The following SOX6 variants were observed in gnomAD, a reference collection of about 807,000 sequenced individuals.
SOX6 encodes the protein transcription factor SOX-6.
Under a neutral mutation model 97.8 loss-of-function variants are expected in SOX6, and 11 were observed. The observed-to-expected ratio is 0.11, with a 90% confidence interval of 0.07 to 0.19. The LOEUF (loss-of-function observed/expected upper bound fraction) is 0.19, where lower values mean the gene tolerates loss of function less well. SOX6 is among the 10% of genes least tolerant of loss of function. The probability of loss-of-function intolerance (pLI) is 1.00; values close to 1 mark genes in which losing one functional copy is unlikely to be tolerated. For missense variants in SOX6, 810 were observed against 1,039.5 expected, an observed-to-expected ratio of 0.78 and a Z score of 3.04; for synonymous variants, 360 against 371.4, an observed-to-expected ratio of 0.97 and a Z score of 0.35.
At chr11:16,414,388 G>T (rs2133059056) in intron 1 of SOX6, among the ~76,000 whole-genome samples, 1 of 152,256 alleles carries the variant, frequency 6.6e-6, no homozygotes, top group South Asian at 2.1e-4. Context: ...TATAAGAAAA[G>T]CTAAATGTAA....
At chr11:16,655,600 A>G (rs376276838) in intron 3 of SOX6, among the ~76,000 whole-genome samples, 1 of 152,194 alleles carries the variant, frequency 6.6e-6, no homozygotes, top group East Asian at 1.9e-4. Context: ...TCTTTTCTCA[A>G]TTCTGGAAAA....
intron 4 of SOX6, among the ~76,000 whole-genome samples, chr11:16,531,597 G>A (rs182838239): frequency 4.0e-5 from 6 of 151,678 alleles, no homozygotes; most frequent in Non-Finnish European, 8.9e-5. Flanking sequence ...TCACATGTTG[G>A]AATCTGGATA....
At chr11:16,045,423 A>G (rs1855798275) in intron 12 of SOX6, among the ~76,000 whole-genome samples, 1 of 152,090 alleles carries the variant, frequency 6.6e-6, no homozygotes, top group Non-Finnish European at 1.5e-5. Flanking sequence ...TTCCATTCTT[A>G]ACCTCCAATA....
intron 3 of SOX6, among the ~76,000 whole-genome samples, chr11:16,262,738 T>A (rs936829532): frequency 1.3e-5 from 2 of 152,028 alleles, no homozygotes; most frequent in Non-Finnish European, 2.9e-5. Context: ...CCCCTGTGAC[T>A]CAACCAAAGG....
In SOX6 at chr11:16,271,201, G is replaced by T. The variant is rs566007122; in HGVS notation, c.446-36530C>A. Among the ~76,000 whole-genome samples the T allele has an allele frequency of 2.0e-5, 3 of 151,188 alleles. No homozygotes were observed. In the South Asian group the frequency reaches 6.2e-4, roughly 31 times the overall value. On this transcript the variant is annotated intron_variant, in intron 3 of 15. Transcript: ENST00000683767. ...ATATATTCTATTAAGGAATATCCAA[G>T]CTTGCACTACTGGAATAATTCCACT...
chr11:16,234,751 T>C, intron 3 of SOX6, 80 bp from the exon 4 acceptor site: 4 of 797,708 alleles, frequency 5.0e-6, no homozygotes, highest in Non-Finnish European at 7.8e-6. Context: ...AAATTCTCAT[T>C]TAAGAATGCA....
chr11:16,499,831 C>T (rs951755087), intron 4 of SOX6, among the ~76,000 whole-genome samples: 1 of 151,954 alleles, frequency 6.6e-6, no homozygotes, highest in African/African-American at 2.4e-5. Flanking sequence ...GCTTACCAAC[C>T]AAAAAAAGTC....
intron 10 of SOX6, among the ~76,000 whole-genome samples, chr11:16,051,923 T>C (rs1184331452): frequency 6.7e-6 from 1 of 148,604 alleles, no homozygotes; most frequent in African/African-American, 2.6e-5. Context: ...TTTATTGTTA[T>C]GTCTTCAAGT....
chr11:16,174,031 T>A (rs1173275353), intron 6 of SOX6, among the ~76,000 whole-genome samples: 2 of 147,458 alleles, frequency 1.4e-5, no homozygotes, highest in Non-Finnish European at 3.0e-5. Context: ...CTTTCCTTTG[T>A]TTCTTTTTTT....
Position 16,329,625 on chromosome 11 carries a change from G to T in SOX6, c.238-10972C>A, listed in dbSNP as rs567834464. On this transcript the variant is annotated intron_variant, in intron 2 of 15. Coordinates refer to ENST00000683767, the MANE Select transcript of SOX6 (RefSeq NM_001367873.1). The stretch of plus-strand genomic sequence containing the variant: ...CCTTAATTTCCTTGTCTGCAAAATG[G>T]CAATAATAATAGTACAGTAAAGAAT... 2.6e-4 allele frequency among the ~76,000 whole-genome samples: 39 copies of T among 152,176 alleles called. No individual in the cohort carries two copies. In the South Asian group the frequency reaches 8.1e-3, roughly 32 times the overall value.
intron 3 of SOX6, among the ~76,000 whole-genome samples, chr11:16,306,289 C>G (rs1855430480): frequency 1.3e-5 from 2 of 152,098 alleles, no homozygotes; most frequent in African/African-American, 4.8e-5. Context: ...ACAATTGTCT[C>G]AACAAAAATT....
intron 6 of SOX6, among the ~76,000 whole-genome samples, chr11:16,163,719 C>T (rs1241482346): frequency 2.6e-5 from 4 of 152,238 alleles, no homozygotes; most frequent in Non-Finnish European, 5.9e-5. Flanking sequence ...CTTGACGCTA[C>T]ATGATTTTGG....
At chr11:16,199,933 TTTATATTA>T (rs1851887989) in intron 4 of SOX6, among the ~76,000 whole-genome samples, 1 of 152,138 alleles carries the variant, frequency 6.6e-6, no homozygotes, top group Non-Finnish European at 1.5e-5. Context: ...TTCACAAGAA[TTTATATTA>T]TTATATTAAC....
intron 4 of SOX6, among the ~76,000 whole-genome samples, chr11:16,586,831 T>C (rs773789368): frequency 6.6e-6 from 1 of 152,236 alleles, no homozygotes; most frequent in Non-Finnish European, 1.5e-5. Context: ...GTGAAGCTCA[T>C]AGAAGTACAG....
chr11:16,630,519 ATCTT>A (rs1848690907), intron 3 of SOX6, among the ~76,000 whole-genome samples: 1 of 151,976 alleles, frequency 6.6e-6, no homozygotes, highest in Admixed American at 6.5e-5. Context: ...CATGTGGTTG[ATCTT>A]GGAGTATGTT....
intron 7 of SOX6, among the ~76,000 whole-genome samples, chr11:16,111,054 G>C (rs1849216739): frequency 6.6e-6 from 1 of 152,148 alleles, no homozygotes; most frequent in Non-Finnish European, 1.5e-5. Context: ...AATTAAGGTT[G>C]ACTTTTATTT....
intron 1 of SOX6, among the ~76,000 whole-genome samples, chr11:16,397,186 T>C (rs923802198): frequency 3.3e-5 from 5 of 151,482 alleles, no homozygotes; most frequent in Non-Finnish European, 7.4e-5. Flanking sequence ...CATTTCTCCA[T>C]GCCCATTTCC....
chr11:16,387,260 T>A (rs1013336655), intron 1 of SOX6, among the ~76,000 whole-genome samples: 2 of 152,148 alleles, frequency 1.3e-5, no homozygotes, highest in Non-Finnish European at 2.9e-5. Flanking sequence ...ACCTGTAATT[T>A]TTTTTTCAGT....
At chr11:16,731,632 C>A (rs543212880) in intron 2 of SOX6, among the ~76,000 whole-genome samples, 1 of 152,142 alleles carries the variant, frequency 6.6e-6, no homozygotes, top group Non-Finnish European at 1.5e-5. Flanking sequence ...AACCCACAGC[C>A]AGTATCATAC....
Sources: allele counts gnomAD v4.1 joint callset (sites outside exome capture counted in the v4.1 genomes callset), GRCh38; gene constraint gnomAD v4.1.1; transcripts MANE v1.5; gene names NCBI Gene and HGNC (gene_info 2026-07-23, HGNC 2026-07-21).